Variants in CCDC62 observed in about 807,000 individuals in gnomAD.
The protein encoded by CCDC62 is coiled-coil domain-containing protein 62.
In CCDC62, 72 loss-of-function variants were observed where a neutral mutation model predicts 80.8. The observed-to-expected ratio is 0.89, with a 90% CI of 0.74 to 1.08. CCDC62 has a LOEUF of 1.08. CCDC62 is among the 50% of genes least tolerant of loss of function. CCDC62 has a pLI of 0.00. For synonymous variants in CCDC62, 286 were observed against 296.5 expected (o/e 0.96, Z 0.36); for missense variants, 704 against 809.4 (o/e 0.87, Z 1.58).
chr12:122,785,426 T>A (rs762069932), intron 3 of CCDC62, among the ~76,000 whole-genome samples: 9 of 152,188 alleles, frequency 5.9e-5, no homozygotes, highest in Non-Finnish European at 1.2e-4. Flanking sequence ...AATAGACATG[T>A]TTACAAGCAT....
intron 8 of CCDC62, among the ~76,000 whole-genome samples, chr12:122,800,427 A>T (rs576011079): frequency 0.014 from 2,004 of 138,990 alleles, 48 homozygotes; most frequent in African/African-American, 0.049. Flanking sequence ...TAAAAAAAAA[A>T]TTTTTTTTTT....
intron 10 of CCDC62, among the ~76,000 whole-genome samples, chr12:122,812,585 C>A (rs1227096158): frequency 2.4e-5 from 1 of 41,366 alleles, no homozygotes. Flanking sequence ...CTAAAAAATA[C>A]AAAAAAAAAT....
intron 6 of CCDC62, among the ~76,000 whole-genome samples, chr12:122,793,502 G>A (rs1418457660): frequency 6.9e-6 from 1 of 145,084 alleles, no homozygotes; most frequent in Admixed American, 7.3e-5. Flanking sequence ...AAGGAATATG[G>A]CAGGGAATGG....
intron 1 of CCDC62, 153 bp from the exon 2 acceptor site, chr12:122,777,338 G>C (rs1295805875): frequency 3.2e-6 from 2 of 616,344 alleles, no homozygotes; most frequent in Middle Eastern, 4.4e-4. Context: ...CATGTTTTAA[G>C]TATACATAAT....
chr12:122,826,304 A>T (rs2032631280), intron 12 of CCDC62, 118 bp from the exon 13 acceptor site: 5 of 440,238 alleles, frequency 1.1e-5, no homozygotes, highest in Non-Finnish European at 1.7e-5. Flanking sequence ...GCATGTCCTG[A>T]TGTTGATGAA....
intron 1 of CCDC62, among the ~76,000 whole-genome samples, chr12:122,775,662 G>T (rs1333424127): frequency 6.6e-6 from 1 of 152,132 alleles, no homozygotes; most frequent in Non-Finnish European, 1.5e-5. Flanking sequence ...CCCAGGGCTG[G>T]AGTACAGTGA....
intron 6 of CCDC62, among the ~76,000 whole-genome samples, chr12:122,796,442 AT>A (rs1390028125): frequency 6.6e-6 from 1 of 152,142 alleles, no homozygotes; most frequent in Non-Finnish European, 1.5e-5. Context: ...TTATTTAAAC[AT>A]TAGGAAATAT....
intron 11 of CCDC62, among the ~76,000 whole-genome samples, chr12:122,822,317 G>A (rs2032441950): frequency 6.6e-6 from 1 of 151,802 alleles, no homozygotes; most frequent in Non-Finnish European, 1.5e-5. Flanking sequence ...TGTTGGCCAG[G>A]ATGGTCTCGA....
chr12:122,784,188 A>G (rs1593784344), intron 3 of CCDC62, among the ~76,000 whole-genome samples: 2 of 152,244 alleles, frequency 1.3e-5, no homozygotes, highest in East Asian at 3.9e-4. Flanking sequence ...TTAGTAACAC[A>G]CATTTAAATT....
chr12:122,816,325 C>T (rs2032161946), intron 11 of CCDC62, among the ~76,000 whole-genome samples: 1 of 152,164 alleles, frequency 6.6e-6, no homozygotes, highest in Non-Finnish European at 1.5e-5. Flanking sequence ...CTTAGCTATC[C>T]CTTTAAATGT....
Position 122,792,061 on chromosome 12 carries a change from G to A in CCDC62, c.712G>A (p.Glu238Lys), listed in dbSNP as rs1485695776. 1 of 1,614,114 alleles carries A rather than the reference G, an allele frequency of 6.2e-7. No homozygotes were observed. The highest frequency in any genetic ancestry group is 8.5e-7 in the Non-Finnish European group (1 of 1,179,978). ...EKTTENNEQR[E>K]EIIRLKQEKS... The stretch of plus-strand genomic sequence containing the variant: ...GACGACAGAAAATAATGAGCAACGA[G>A]AAGAGATCATTCGCCTCAAGCAAGA... Residue 238 changes from glutamate (E) to lysine (K), a missense_variant, in exon 6 of 13, where the codon GAA (glutamate) becomes AAA (lysine). Glu to Lys is a moderately conservative substitution (Grantham distance 56, BLOSUM62 1). Transcript: ENST00000253079.
intron 11 of CCDC62, among the ~76,000 whole-genome samples, chr12:122,817,222 T>TC (rs937659882): frequency 3.3e-5 from 5 of 149,304 alleles, no homozygotes; most frequent in Non-Finnish European, 1.5e-5. Flanking sequence ...TAGCTAATTT[T>TC]TTTTTTTTTT....
chr12:122,822,355 C>T (rs532769513), intron 11 of CCDC62, among the ~76,000 whole-genome samples: 5 of 152,100 alleles, frequency 3.3e-5, no homozygotes, highest in African/African-American at 7.2e-5. Context: ...CCGCCTGCCT[C>T]GGCCTCCCAA....
chr12:122,826,395 T>C, intron 12 of CCDC62, 27 bp from the exon 13 acceptor site: 1 of 779,186 alleles, frequency 1.3e-6, no homozygotes, highest in South Asian at 1.3e-5. Context: ...ATTTTATTAA[T>C]GTTGTGTTTT....
intron 7 of CCDC62, 102 bp from the exon 8 acceptor site, chr12:122,797,983 C>A: frequency 1.6e-6 from 1 of 637,920 alleles, no homozygotes. Flanking sequence ...ACTATCTGAC[C>A]TGTTTTAGGA....
chr12:122,801,621 G>C lies in CCDC62; in HGVS notation c.1475G>C (p.Arg492Thr). 6.2e-7 allele frequency: 1 copy of C among 1,614,182 alleles called. No homozygotes were observed. The highest frequency in any genetic ancestry group is 8.5e-7 in the Non-Finnish European group (1 of 1,180,046). The change falls in exon 9 of 13, where the codon AGG (arginine) becomes ACG (threonine). Residue 492 changes from arginine to threonine, a missense_variant. Coordinates refer to ENST00000253079, the MANE Select transcript of CCDC62 (RefSeq NM_201435.5). Reference protein sequence around the residue: ...LDVECQDQMERSEISCCQKNE... With the variant: ...LDVECQDQMETSEISCCQKNE... ...GTAGAATGTCAAGATCAGATGGAAAGGTCCGAAATCTCATGCTGCCAGAAA... is the reference window on the plus strand; with the variant it reads ...GTAGAATGTCAAGATCAGATGGAAACGTCCGAAATCTCATGCTGCCAGAAA...
At chr12:122,821,553 G>C (rs764388687) in intron 11 of CCDC62, among the ~76,000 whole-genome samples, 2 of 151,986 alleles carry the variant, frequency 1.3e-5, no homozygotes, top group East Asian at 1.9e-4. Flanking sequence ...AGGCTCCAGC[G>C]GTCCTCCCAC....
intron 1 of CCDC62, chr12:122,777,206 C>T: frequency 3.6e-6 from 1 of 278,922 alleles, no homozygotes. Flanking sequence ...AGAAAAAGTG[C>T]AGAAATAGGT....
intron 5 of CCDC62, among the ~76,000 whole-genome samples, chr12:122,791,683 A>G (rs532370028): frequency 6.6e-6 from 1 of 152,300 alleles, no homozygotes; most frequent in South Asian, 2.1e-4. Context: ...TCCTGGCCTC[A>G]AGTGGTTTGT....
Sources: gnomAD v4.1 joint callset for allele counts (sites outside exome capture counted in the v4.1 genomes callset) on GRCh38, gnomAD v4.1.1 for gene constraint, MANE v1.5 for transcripts, NCBI Gene and HGNC (gene_info 2026-07-23, HGNC 2026-07-21) for gene names.